The following BAHCC1 variants were observed in gnomAD, a reference collection of about 807,000 sequenced individuals.
The protein encoded by BAHCC1 is BAH and coiled-coil domain-containing protein 1.
BAHCC1 carries 43 observed loss-of-function variants against 88.2 expected under a neutral mutation model. The ratio of observed to expected loss-of-function variants is 0.49; its 90% CI spans 0.38 to 0.63. The LOEUF (loss-of-function observed/expected upper bound fraction) is 0.63. Among genes scored for constraint, BAHCC1 ranks in the 20% least tolerant of loss-of-function variants. The pLI, the probability that BAHCC1 is intolerant of heterozygous loss-of-function variation, is 0.00. For missense variants in BAHCC1, 3,023 were observed against 1,654.8 expected (o/e 1.83, Z -14.34); for synonymous variants, 1,510 against 745.5 (o/e 2.03, Z -16.71).
intron 23 of BAHCC1, 138 bp downstream of exon 23, chr17:81,459,742 G>A (rs2030075281): frequency 8.1e-6 from 3 of 372,348 alleles, no homozygotes; most frequent in African/African-American, 6.5e-5. Flanking sequence ...ACAATAAAAT[G>A]AGCTCCCCAG....
Position 81,461,299 on chromosome 17 carries a change from C to T in BAHCC1, c.6636C>T (p.His2212=), listed in dbSNP as rs782384817. 7 of 714,524 alleles carry T rather than the reference C, an allele frequency of 9.8e-6. No homozygotes were observed. Among genetic ancestry groups the T allele is most frequent in the Admixed American group, 7.9e-5 (4 of 50,770 alleles). 44.3% of individuals were successfully genotyped at this position (714,524 alleles called of 1,614,324 possible). Residue 2212 remains histidine, a synonymous_variant, in exon 26 of 28, where the codon CAC becomes CAT. Coordinates refer to ENST00000675386, the MANE Select transcript of BAHCC1 (RefSeq NM_001377448.1). The stretch of plus-strand genomic sequence containing the variant: ...GTGAGTTCCTGGTCAAGCTGGACCA[C>T]GAGGGTGTGACCTCCCCCAAGAACA... ...AGGEFLVKLD[H]EGVTSPKNKT...
chr17:81,451,571 G>A, intron 11 of BAHCC1, 97 bp from the exon 12 acceptor site: 2 of 636,818 alleles, frequency 3.1e-6, no homozygotes, highest in South Asian at 1.8e-5. Context: ...CGGTCTTCAA[G>A]GCTGGGTGGC....
Position 81,458,300 on chromosome 17 carries a change from GCAAGGC to G in BAHCC1, c.5183_5188del (p.Ala1728_Lys1729del), listed in dbSNP as rs782214089. On this transcript the variant is annotated inframe_deletion, in exon 18 of 28. Coordinates refer to ENST00000675386, the MANE Select transcript of BAHCC1 (RefSeq NM_001377448.1). The stretch of plus-strand genomic sequence containing the variant: ...GCGCTGGGCAAGAAGAAAGCCAAGG[GCAAGGC>G]CAAGGGCAGCCTGCGGGCAGAGCCG... 1.3e-6 allele frequency: 1 copy of G among 750,406 alleles called. No individual in the cohort carries two copies. 46.5% of individuals were successfully genotyped at this position (750,406 alleles called of 1,614,324 possible).
chr17:81,417,769 C>T (rs1555648984), intron 2 of BAHCC1, among the ~76,000 whole-genome samples: 1 of 152,194 alleles, frequency 6.6e-6, no homozygotes, highest in Non-Finnish European at 1.5e-5. Context: ...GCCTCTGGGC[C>T]AGCGCAGGCT....
chr17:81,426,396 A>G (rs2064199238), intron 2 of BAHCC1, among the ~76,000 whole-genome samples: 1 of 22,790 alleles, frequency 4.4e-5, no homozygotes, highest in Admixed American at 6.4e-4. Flanking sequence ...TGGTGGTGAT[A>G]GTCGTGGGTG....
In BAHCC1 at chr17:81,446,974, A is replaced by G. The variant is rs1448815750; in HGVS notation, c.3164-62A>G. 7 of 768,884 alleles carry G rather than the reference A, an allele frequency of 9.1e-6. No homozygotes were observed. In the African/African-American group the frequency reaches 1.0e-4, roughly 11 times the overall value. 47.6% of individuals were successfully genotyped at this position (768,884 alleles called of 1,614,324 possible). A position where few individuals can be genotyped will look rare whatever the true frequency, so the allele number is the denominator to read the frequency against. On this transcript the variant is annotated intron_variant, in intron 10 of 27. Coordinates refer to ENST00000675386, the MANE Select transcript of BAHCC1 (RefSeq NM_001377448.1). ...GTTCGAGGCCACTGTCCTCCGTCCT[A>G]TCGCAGGACACCCCCTCACCACCAC...
intron 2 of BAHCC1, among the ~76,000 whole-genome samples, chr17:81,406,380 C>T (rs1428086035): frequency 6.6e-6 from 1 of 152,232 alleles, no homozygotes; most frequent in Admixed American, 6.5e-5. Context: ...CCCCCGCTCC[C>T]CGCCCACCTG....
chr17:81,412,978 G>T, intron 2 of BAHCC1: 1 of 289,674 alleles, frequency 3.5e-6, no homozygotes, highest in South Asian at 2.4e-5. Flanking sequence ...CTCGGTGCGG[G>T]TGCGGCCTCA....
At chr17:81,449,796 C>T (rs542286629) in intron 11 of BAHCC1, among the ~76,000 whole-genome samples, 1 of 152,234 alleles carries the variant, frequency 6.6e-6, no homozygotes, top group East Asian at 1.9e-4. Flanking sequence ...ACCCCAGCAT[C>T]TGCCCCTCCG....
In BAHCC1 at chr17:81,460,962, C is replaced by T. The variant is rs782345650; in HGVS notation, c.6299C>T (p.Ala2100Val). The T allele has an allele frequency of 1.0e-5, 8 of 772,332 alleles. No individual in the cohort carries two copies. Among genetic ancestry groups the T allele is most frequent in the South Asian group, 5.4e-5 (4 of 74,592 alleles). 47.8% of individuals were successfully genotyped at this position (772,332 alleles called of 1,614,324 possible). The part of the protein sequence containing the change: ...RRGSPLLSWS[A>V]VAQTKRKAVA... ...GGCAGCCCCTTGCTGAGCTGGTCCG[C>T]GGTGGCGCAGACCAAGCGGAAGGCG... Residue 2100 changes from alanine (A) to valine (V), a missense_variant, in exon 26 of 28, where the codon GCG (alanine) becomes GTG (valine). Coordinates refer to ENST00000675386, the MANE Select transcript of BAHCC1 (RefSeq NM_001377448.1).
intron 23 of BAHCC1, among the ~76,000 whole-genome samples, chr17:81,459,843 G>T (rs1352299640): frequency 6.6e-6 from 1 of 152,234 alleles, no homozygotes; most frequent in East Asian, 1.9e-4. Flanking sequence ...AAGGGGCCCT[G>T]AGCACTGCTG....
chr17:81,456,624 G>T (rs782592025), intron 16 of BAHCC1, 39 bp downstream of exon 16: 17 of 675,076 alleles, frequency 2.5e-5, no homozygotes, highest in Non-Finnish European at 4.3e-5. Flanking sequence ...CAGGAGCCCC[G>T]GTCATGGTCG....
rs545846921 is a variant in BAHCC1 at position 81,417,179 on chromosome 17, G to A, written c.179-9621G>A. On this transcript the variant is annotated intron_variant, in intron 2 of 27. Coordinates refer to ENST00000675386, the MANE Select transcript of BAHCC1 (RefSeq NM_001377448.1). ...TGCGTGTGCCCCTGACATCTTCACCGGGGTGTCCGTCTCCCCGCAGCTGGC... is the reference window on the plus strand; with the variant it reads ...TGCGTGTGCCCCTGACATCTTCACCAGGGTGTCCGTCTCCCCGCAGCTGGC... Among the ~76,000 whole-genome samples, 197 of 152,272 alleles carry A rather than the reference G, an allele frequency of 1.3e-3. 1 individual carries two copies. Among genetic ancestry groups the A allele is most frequent in the African/African-American group, 4.4e-3 (184 of 41,536 alleles).
intron 2 of BAHCC1, among the ~76,000 whole-genome samples, chr17:81,416,007 C>T (rs1284619187): frequency 9.0e-5 from 13 of 145,184 alleles, no homozygotes; most frequent in South Asian, 4.5e-4. Flanking sequence ...GGTGTATGCG[C>T]GTGTGTGTGT....
At chr17:81,414,731 C>T (rs1418037047) in intron 2 of BAHCC1, among the ~76,000 whole-genome samples, 3 of 152,230 alleles carry the variant, frequency 2.0e-5, no homozygotes, top group Non-Finnish European at 2.9e-5. Context: ...CGAGGTTCCC[C>T]GGGGTTCGTC....
In BAHCC1 at chr17:81,463,776, G is replaced by A. The variant is rs567035719; in HGVS notation, c.7786G>A (p.Gly2596Arg). 6 of 765,166 alleles carry A rather than the reference G, an allele frequency of 7.8e-6. No homozygotes were observed. The highest frequency in any genetic ancestry group is 3.4e-5 in the African/African-American group (2 of 58,894). The allele number at this position is 765,166 out of a possible 1,614,324, so 47.4% of individuals were successfully genotyped here. Residue 2596 changes from glycine to arginine, a missense_variant, in exon 28 of 28, where the codon GGG (glycine) becomes AGG (arginine). Transcript: ENST00000675386. ...YLAGTYDPTT[G>R]RLVTADGVPI... ...GGCGGGCACCTACGACCCCACCACC[G>A]GGCGCCTGGTGACGGCTGATGGCGT...
intron 2 of BAHCC1, among the ~76,000 whole-genome samples, chr17:81,420,914 G>A (rs782534342): frequency 3.9e-5 from 6 of 152,284 alleles, no homozygotes; most frequent in Admixed American, 2.0e-4. Context: ...CCATGCACGC[G>A]GGTGGGGACA....
At chr17:81,401,879 C>T (rs1395876198) in intron 2 of BAHCC1, 2 of 152,670 alleles carry the variant, frequency 1.3e-5, no homozygotes, top group African/African-American at 4.8e-5. Context: ...AGGCCAGCTG[C>T]ATTCTCCCCC....
intron 4 of BAHCC1, among the ~76,000 whole-genome samples, chr17:81,440,250 C>A (rs901672259): frequency 6.6e-6 from 1 of 152,212 alleles, no homozygotes; most frequent in Non-Finnish European, 1.5e-5. Context: ...GGGCAGGTGG[C>A]GGGTCCCAAC....
Sources: gnomAD v4.1 joint callset for allele counts (sites outside exome capture counted in the v4.1 genomes callset) on GRCh38, gnomAD v4.1.1 for gene constraint, MANE v1.5 for transcripts, NCBI Gene and HGNC (gene_info 2026-07-23, HGNC 2026-07-21) for gene names.